Variants in BPIFA1 observed in about 807,000 individuals in gnomAD.
The protein encoded by BPIFA1 is BPI fold containing family A member 1, also known as BPI fold-containing family A member 1.
A neutral mutation model predicts 25.1 loss-of-function variants in BPIFA1; 24 were observed. The ratio of observed to expected loss-of-function variants is 0.96; its 90% confidence interval spans 0.69 to 1.35. The LOEUF (loss-of-function observed/expected upper bound fraction) is 1.35, where lower values mean the gene tolerates loss of function less well. BPIFA1 is among the 40% of genes most tolerant of loss of function. The probability of loss-of-function intolerance (pLI) is 0.00; values close to 1 mark genes in which losing one functional copy is unlikely to be tolerated. For missense variants in BPIFA1, 344 were observed against 303.7 expected, an observed-to-expected ratio of 1.13 and a Z score of -0.99; for synonymous variants, 139 against 131.8, an observed-to-expected ratio of 1.05 and a Z score of -0.37.
rs1187833062 is a variant in BPIFA1, at chr20:33,240,477, T to C, written c.581+92T>C. Reference sequence around the variant, plus strand: ...AAAGCTGAGACAATGAGAGAATAGATGAGTGAGAGGCTGAAAGGGTGGGAA... The same window carrying C: ...AAAGCTGAGACAATGAGAGAATAGACGAGTGAGAGGCTGAAAGGGTGGGAA... On this transcript the variant is annotated intron_variant, in intron 5 of 8. Coordinates refer to ENST00000354297, the MANE Select transcript of BPIFA1 (RefSeq NM_130852.3). 30 of 1,490,400 alleles carry C rather than the reference T, an allele frequency of 2.0e-5. No individual in the cohort carries two copies. In the Admixed American group the frequency reaches 3.5e-4, roughly 17 times the overall value. The allele number at this position is 1,490,400 out of a possible 1,614,324, so 92.3% of individuals were successfully genotyped here.
At chr20:33,236,596 G>A (rs1211704543) in intron 1 of BPIFA1, among the ~76,000 whole-genome samples, 1 of 152,192 alleles carries the variant, frequency 6.6e-6, no homozygotes, top group Non-Finnish European at 1.5e-5. Context: ...TCTCCAAATT[G>A]TAGGTACTAG....
chr20:33,242,691 T>C, intron 8 of BPIFA1, 130 bp downstream of exon 8: 1 of 678,526 alleles, frequency 1.5e-6, no homozygotes, highest in Non-Finnish European at 2.5e-6. Context: ...CACACAGGGA[T>C]GCACAGAGAA....
chr20:33,238,061 G>A lies in BPIFA1; in HGVS notation c.167G>A (p.Ser56Asn), dbSNP rs375396851. 3 of 1,613,158 alleles carry A rather than the reference G, an allele frequency of 1.9e-6. No individual in the cohort carries two copies. Among genetic ancestry groups the A allele is most frequent in the East Asian group, 2.2e-5 (1 of 44,856 alleles). ...CCCTTACACCCATTTCCAGCCCTCA[G>A]CAATGGCCTGCTGTCTGGGGGCCTG... ...GLAGSLTNALSNGLLSGGLLG... is the reference protein window; with the variant it reads ...GLAGSLTNALNNGLLSGGLLG... The change falls in exon 3 of 9, where the codon AGC becomes AAC. Residue 56 changes from serine (S) to asparagine (N), a missense_variant. Physicochemically the swap from Ser to Asn is conservative, Grantham distance 46. Coordinates refer to ENST00000354297, the MANE Select transcript of BPIFA1 (RefSeq NM_130852.3).
chr20:33,240,747 C>A (rs1167301160), intron 5 of BPIFA1, among the ~76,000 whole-genome samples: 2 of 152,116 alleles, frequency 1.3e-5, no homozygotes, highest in South Asian at 2.1e-4. Context: ...GATCTAGCAA[C>A]AAGAAATTGG....
Position 33,242,570 on chromosome 20 carries a change from C to A in BPIFA1, c.*34+9C>A. ...TGGCCTCTGCTGAGCTGGTAAGTGCCCTTCCCCACACCCCAGGGTTTTGGG... is the reference window on the plus strand; with the variant it reads ...TGGCCTCTGCTGAGCTGGTAAGTGCACTTCCCCACACCCCAGGGTTTTGGG... On this transcript the variant is annotated intron_variant, in intron 8 of 8. Coordinates refer to ENST00000354297, the MANE Select transcript of BPIFA1 (RefSeq NM_130852.3). The A allele has an allele frequency of 6.3e-7, 1 of 1,598,440 alleles. No homozygotes were observed.
chr20:33,239,223 C>G (rs191037076), intron 3 of BPIFA1, among the ~76,000 whole-genome samples: 50 of 152,226 alleles, frequency 3.3e-4, no homozygotes, highest in African/African-American at 1.2e-3. Context: ...TCCTTCCACC[C>G]TTTCTGCACT....
chr20:33,236,828 T>C (rs568097953), intron 1 of BPIFA1, among the ~76,000 whole-genome samples: 5 of 152,264 alleles, frequency 3.3e-5, no homozygotes, highest in Middle Eastern at 3.4e-3. Context: ...CTTGGGAAAG[T>C]CACTACCCCT....
At position 33,238,233 on chromosome 20, in the gene BPIFA1, G is replaced by A. The variant is rs374333708; in HGVS notation, c.320+19G>A. On this transcript the variant is annotated intron_variant, in intron 3 of 8. Coordinates refer to ENST00000354297, the MANE Select transcript of BPIFA1 (RefSeq NM_130852.3). ...TCATTGAGTGAGTTGTCCTAAAATA[G>A]AGCTTTGATCTCCACCAGGGAACCC... 1.9e-6 allele frequency: 3 copies of A among 1,602,992 alleles called. No homozygotes were observed. The highest frequency in any genetic ancestry group is 2.7e-5 in the African/African-American group (2 of 74,558).
chr20:33,237,389 A>T (rs1978727702), intron 1 of BPIFA1, among the ~76,000 whole-genome samples: 1 of 152,194 alleles, frequency 6.6e-6, no homozygotes, highest in South Asian at 2.1e-4. Context: ...GCAAGAAGGA[A>T]AAAAACCCTC....
At position 33,240,293 on chromosome 20, in the gene BPIFA1, C is replaced by T; in HGVS notation, c.489C>T (p.Ile163=). ...TGAAGCTGGACATCACTGCAGAAATCTTAGCTGTGAGAGATAAGCAGGAGA... is the reference window on the plus strand; with the variant it reads ...TGAAGCTGGACATCACTGCAGAAATTTTAGCTGTGAGAGATAAGCAGGAGA... ...LAVKLDITAE[I]LAVRDKQERI... is the part of the protein sequence containing the mutation. The change falls in exon 5 of 9, where the codon ATC becomes ATT. Residue 163 remains isoleucine, a synonymous_variant. Coordinates refer to ENST00000354297, the MANE Select transcript of BPIFA1 (RefSeq NM_130852.3). 1 of 1,614,194 alleles carries T rather than the reference C, an allele frequency of 6.2e-7. No individual in the cohort carries two copies. The highest frequency in any genetic ancestry group is 8.5e-7 in the Non-Finnish European group (1 of 1,180,034).
In BPIFA1 at chr20:33,237,739, T is replaced by G; in HGVS notation, c.28T>G (p.Phe10Val). 1 of 1,489,652 alleles carries G rather than the reference T, an allele frequency of 6.7e-7. No homozygotes were observed. The highest frequency in any genetic ancestry group is 8.9e-7 in the Non-Finnish European group (1 of 1,118,716). The allele number at this position is 1,489,652 out of a possible 1,614,324, so 92.3% of individuals were successfully genotyped here. Residue 10 changes from phenylalanine to valine, a missense_variant, in exon 2 of 9, where the codon TTC becomes GTC. Physicochemically the swap from Phe to Val is conservative, Grantham distance 50 (BLOSUM62 -1). Coordinates refer to ENST00000354297, the MANE Select transcript of BPIFA1 (RefSeq NM_130852.3). ...GTTTCAAACTGGGGGCCTCATTGTC[T>G]TCTACGGGCTGTTAGCCCAGACCAT... MFQTGGLIV[F>V]YGLLAQTMAQ... is the part of the protein sequence containing the mutation.
At chr20:33,242,174 CCAAGGAG>C in intron 7 of BPIFA1, 55 bp downstream of exon 7, 1 of 1,577,842 alleles carries the variant, frequency 6.3e-7, no homozygotes, top group South Asian at 1.1e-5. Context: ...GCAACTTCCC[CCAAGGAG>C]TTTTTTCCCT....
At chr20:33,240,466 G>A (rs1291422930) in intron 5 of BPIFA1, 81 bp downstream of exon 5, 5 of 1,536,834 alleles carry the variant, frequency 3.3e-6, no homozygotes, top group African/African-American at 1.4e-5. Flanking sequence ...CTGAGACAAT[G>A]AGAGAATAGA....
intron 3 of BPIFA1, 65 bp from the exon 4 acceptor site, chr20:33,239,738 G>T (rs1978863243): frequency 6.8e-7 from 1 of 1,473,010 alleles, no homozygotes; most frequent in Non-Finnish European, 9.5e-7. Flanking sequence ...TTAGGTTAAA[G>T]ATGGTTTCTG....
chr20:33,238,820 C>T (rs905198706), intron 3 of BPIFA1, among the ~76,000 whole-genome samples: 18 of 152,174 alleles, frequency 1.2e-4, no homozygotes, highest in Admixed American at 6.5e-5. Context: ...TGCCAGTGAG[C>T]CGGCAGAGCC....
At chr20:33,240,879 A>G (rs370243040) in intron 5 of BPIFA1, among the ~76,000 whole-genome samples, 3 of 152,196 alleles carry the variant, frequency 2.0e-5, no homozygotes, top group East Asian at 3.8e-4. Flanking sequence ...CACTGGAGTT[A>G]TTGATAGAAC....
At chr20:33,238,799 T>C (rs757938238) in intron 3 of BPIFA1, among the ~76,000 whole-genome samples, 14 of 152,160 alleles carry the variant, frequency 9.2e-5, no homozygotes, top group Non-Finnish European at 1.8e-4. Flanking sequence ...AAAGCAAGAA[T>C]GGAAGCTTGA....
intron 3 of BPIFA1, among the ~76,000 whole-genome samples, chr20:33,239,019 C>T (rs1978829684): frequency 6.6e-6 from 1 of 152,140 alleles, no homozygotes; most frequent in Admixed American, 6.5e-5. Context: ...ATTATAGAAC[C>T]CACAGAGAAA....
Position 33,240,264 on chromosome 20 carries a change from G to C in BPIFA1, c.460G>C (p.Ala154Pro). The change falls in exon 5 of 9, where the codon GCT becomes CCT. Residue 154 changes from alanine to proline, a missense_variant. By Grantham distance (27) the Ala-to-Pro change is conservative. Coordinates refer to ENST00000354297, the MANE Select transcript of BPIFA1 (RefSeq NM_130852.3). ...GGTCGGTGCAAGTCTGTTGAGGCTG[G>C]CTGTGAAGCTGGACATCACTGCAGA... ...PLVGASLLRL[A>P]VKLDITAEIL... is the part of the protein sequence containing the mutation. The C allele has an allele frequency of 6.2e-7, 1 of 1,614,202 alleles. No individual in the cohort carries two copies. The highest frequency in any genetic ancestry group is 8.5e-7 in the Non-Finnish European group (1 of 1,180,028).
Sources: allele counts gnomAD v4.1 joint callset (sites outside exome capture counted in the v4.1 genomes callset), GRCh38; gene constraint gnomAD v4.1.1; transcripts MANE v1.5; gene names NCBI Gene and HGNC (gene_info 2026-07-23, HGNC 2026-07-21).